The following PRTG variants were observed in gnomAD, a reference collection of about 807,000 sequenced individuals.
The protein encoded by PRTG is immunoglobulin superfamily, DCC subclass, member 5.
Under a neutral mutation model 122.5 loss-of-function variants are expected in PRTG, and 67 were observed. The ratio of observed to expected loss-of-function variants is 0.55; its 90% CI spans 0.45 to 0.67. PRTG has a LOEUF of 0.67. Ranked by LOEUF, PRTG falls within the 30% of genes least tolerant of loss-of-function variation. The pLI is 0.00. For missense variants in PRTG, 1,435 were observed against 1,415.4 expected, an observed-to-expected ratio of 1.01 and a Z score of -0.22; for synonymous variants, 554 against 501.1, an observed-to-expected ratio of 1.11 and a Z score of -1.41.
At chr15:55,668,089 T>C (rs1051364034) in intron 11 of PRTG, among the ~76,000 whole-genome samples, 5 of 152,148 alleles carry the variant, frequency 3.3e-5, no homozygotes, top group Non-Finnish European at 7.4e-5. Flanking sequence ...ACGTCTCAAA[T>C]AAATAAATAA....
intron 11 of PRTG, among the ~76,000 whole-genome samples, chr15:55,665,576 T>A (rs1302340391): frequency 6.6e-6 from 1 of 151,270 alleles, no homozygotes; most frequent in Non-Finnish European, 1.5e-5. Flanking sequence ...GACAAAGTCT[T>A]GCTCTGTCAC....
intron 11 of PRTG, among the ~76,000 whole-genome samples, chr15:55,641,702 T>C (rs889742717): frequency 3.3e-5 from 5 of 152,240 alleles, no homozygotes; most frequent in Non-Finnish European, 4.4e-5. Context: ...TGAAAACTTA[T>C]ATAACCATGT....
chr15:55,729,602 A>T (rs2031160111), intron 2 of PRTG, among the ~76,000 whole-genome samples: 1 of 151,720 alleles, frequency 6.6e-6, no homozygotes, highest in African/African-American at 2.4e-5. Context: ...AAAATAAAAT[A>T]AAATAAAATA....
chr15:55,664,842 C>G lies in PRTG; in HGVS notation c.2041+7603G>C, dbSNP rs34955207. Among the ~76,000 whole-genome samples, 652 of 152,120 alleles carry G rather than the reference C, an allele frequency of 4.3e-3. 2 individuals carry two copies. The highest frequency in any genetic ancestry group is 0.011 in the Admixed American group (165 of 15,296). ...ATTCAGGCAATTCTCCTGCCTCAGC[C>G]TCTCTAAGTGCTGGGATTATACGTG... On this transcript the variant is annotated intron_variant, in intron 11 of 19. Coordinates refer to ENST00000389286, the MANE Select transcript of PRTG (RefSeq NM_173814.6).
At chr15:55,646,487 C>T (rs1244100955) in intron 11 of PRTG, among the ~76,000 whole-genome samples, 2 of 150,596 alleles carry the variant, frequency 1.3e-5, no homozygotes, top group South Asian at 2.1e-4. Flanking sequence ...CACGCCCGGC[C>T]AATTTTTTGT....
At chr15:55,701,353 G>A (rs2059662504) in intron 2 of PRTG, among the ~76,000 whole-genome samples, 1 of 152,160 alleles carries the variant, frequency 6.6e-6, no homozygotes, top group South Asian at 2.1e-4. Context: ...AGGCCAAGAT[G>A]GTAAAACTCC....
chr15:55,692,650 CTTGAT>C (rs559887643), intron 2 of PRTG, among the ~76,000 whole-genome samples: 2 of 151,638 alleles, frequency 1.3e-5, no homozygotes, highest in South Asian at 2.1e-4. Context: ...ATATATTCAT[CTTGAT>C]TTAAGTGTTT....
intron 2 of PRTG, among the ~76,000 whole-genome samples, chr15:55,690,820 T>G (rs1595654581): frequency 1.3e-5 from 2 of 152,202 alleles, no homozygotes; most frequent in African/African-American, 4.8e-5. Flanking sequence ...ACATTACATA[T>G]TCCAGCTTAT....
In PRTG at chr15:55,673,574, A is replaced by G; in HGVS notation, c.1649T>C (p.Val550Ala). 6.2e-7 allele frequency: 1 copy of G among 1,614,180 alleles called. No individual in the cohort carries two copies. Among genetic ancestry groups the G allele is most frequent in the Non-Finnish European group, 8.5e-7 (1 of 1,180,022 alleles). The change falls in exon 10 of 20, where the codon GTG (valine) becomes GCG (alanine). Residue 550 changes from valine to alanine, a missense_variant. By Grantham distance (64) the Val-to-Ala change is moderately conservative. Transcript: ENST00000389286. ...TAGGCGGAAAGACAAGCGATACAGC[A>G]CCACTTGGCCCCGCCGATATTTGGC... ...IPAKYRRGQVVLYRLSFRLST... is the reference protein window; with the variant it reads ...IPAKYRRGQVALYRLSFRLST...
At chr15:55,723,752 C>CTTTTTTTTT (rs769469226) in intron 2 of PRTG, among the ~76,000 whole-genome samples, 83 of 127,062 alleles carry the variant, frequency 6.5e-4, no homozygotes, top group Middle Eastern at 4.4e-3. Context: ...TTTCTTTTTT[C>CTTTTTTTTT]TTTTTTTTTT....
chr15:55,625,866 G>A (rs1030256775), intron 17 of PRTG, among the ~76,000 whole-genome samples: 5 of 151,878 alleles, frequency 3.3e-5, no homozygotes, highest in East Asian at 2.0e-4. Flanking sequence ...CAGGTGATCC[G>A]CTCACCTCGG....
intron 11 of PRTG, among the ~76,000 whole-genome samples, chr15:55,669,210 T>C (rs1017421456): frequency 2.0e-5 from 3 of 151,974 alleles, no homozygotes; most frequent in South Asian, 2.1e-4. Context: ...AGGGGATTAG[T>C]ATGAAAATGA....
intron 19 of PRTG, among the ~76,000 whole-genome samples, 154 bp downstream of exon 19, chr15:55,620,509 C>T (rs2059160299): frequency 6.8e-6 from 1 of 146,190 alleles, no homozygotes; most frequent in Non-Finnish European, 1.5e-5. Context: ...TCATTCACCT[C>T]GCTCTCCACA....
Position 55,699,268 on chromosome 15 carries a change from A to C in PRTG, c.398-15337T>G, listed in dbSNP as rs2059648969. On this transcript the variant is annotated intron_variant, in intron 2 of 19. Transcript: ENST00000389286. ...CTTAACTGTTAAACTGTTAACTGTT[A>C]ATGGCTTTTTTTTGGTATTTTCCCC... is the stretch of plus-strand genomic sequence containing the variant. 3.3e-5 allele frequency among the ~76,000 whole-genome samples: 5 copies of C among 152,308 alleles called. No homozygotes were observed. The South Asian group carries it at 1.0e-3, about 32-fold the overall frequency.
chr15:55,742,986 C>A lies in PRTG; in HGVS notation c.-55G>T, dbSNP rs1330712411. 9 of 1,397,018 alleles carry A rather than the reference C, an allele frequency of 6.4e-6. No homozygotes were observed. Among genetic ancestry groups the A allele is most frequent in the Non-Finnish European group, 8.3e-6 (9 of 1,079,506 alleles). The allele number at this position is 1,397,018 out of a possible 1,614,324, so 86.5% of individuals were successfully genotyped here. On this transcript the variant is annotated 5_prime_UTR_variant, in exon 1 of 20. Transcript: ENST00000389286. ...GCCGCCCAGAGCCCCTGTCCGTCTG[C>A]GGCCCCCGCCCCGGGCGCTCTCTGC...
At position 55,740,388 on chromosome 15, in the gene PRTG, A is replaced by C; in HGVS notation, c.391T>G (p.Leu131Val). Residue 131 changes from leucine (L) to valine (V), a missense_variant, in exon 2 of 20, where the codon TTA (leucine) becomes GTA (valine). Transcript: ENST00000389286. ...AILSQKAHLA[L>V]STISAFEVQP... ...TAAAAACTTAAACACTTACTTGATA[A>C]GGCAAGATGAGCTTTTTGACTAAGA... The C allele has an allele frequency of 6.3e-7, 1 of 1,588,830 alleles. No homozygotes were observed. Among genetic ancestry groups the C allele is most frequent in the Non-Finnish European group, 8.6e-7 (1 of 1,167,800 alleles).
intron 11 of PRTG, among the ~76,000 whole-genome samples, chr15:55,647,118 C>A (rs1206155303): frequency 6.6e-6 from 1 of 151,980 alleles, no homozygotes; most frequent in Non-Finnish European, 1.5e-5. Flanking sequence ...CATCTCCACT[C>A]AAAGAAAAAG....
chr15:55,718,075 C>A (rs538649778), intron 2 of PRTG, among the ~76,000 whole-genome samples: 3 of 152,150 alleles, frequency 2.0e-5, no homozygotes, highest in Non-Finnish European at 4.4e-5. Context: ...TGGTAAGCGG[C>A]CTTTTTTTTA....
chr15:55,673,786 C>T (rs2059487130), intron 9 of PRTG, 110 bp from the exon 10 acceptor site: 1 of 813,854 alleles, frequency 1.2e-6, no homozygotes, highest in East Asian at 2.6e-5. Context: ...AGAAGAGACA[C>T]TTTCAGCCCT....
Sources: gnomAD v4.1 joint callset for allele counts (sites outside exome capture counted in the v4.1 genomes callset) on GRCh38, gnomAD v4.1.1 for gene constraint, MANE v1.5 for transcripts, NCBI Gene and HGNC (gene_info 2026-07-23, HGNC 2026-07-21) for gene names.